The following ZFP64 variants were observed in gnomAD, a reference collection of about 807,000 sequenced individuals.
ZFP64 encodes zinc finger protein 64.
ZFP64 carries 14 observed loss-of-function variants against 51.6 expected under a neutral mutation model. The observed-to-expected ratio is 0.27, with a 90% confidence interval of 0.18 to 0.42. The LOEUF (loss-of-function observed/expected upper bound fraction) is 0.42. Among genes scored for constraint, ZFP64 ranks in the 10% least tolerant of loss-of-function variants. The pLI is 1.00. For synonymous variants in ZFP64, 375 were observed against 361.4 expected, an observed-to-expected ratio of 1.04 and a Z score of -0.43; for missense variants, 754 against 906.8, an observed-to-expected ratio of 0.83 and a Z score of 2.16.
At chr20:52,180,979 T>C (rs910709927) in intron 2 of ZFP64, among the ~76,000 whole-genome samples, 1 of 152,110 alleles carries the variant, frequency 6.6e-6, no homozygotes, top group Non-Finnish European at 1.5e-5. Context: ...CAGGCTGGAA[T>C]GCAATGGCAC....
At chr20:52,128,163 A>T (rs1485382206) in intron 5 of ZFP64, among the ~76,000 whole-genome samples, 3 of 152,138 alleles carry the variant, frequency 2.0e-5, no homozygotes, top group African/African-American at 7.2e-5. Flanking sequence ...CCTGGACTAG[A>T]TGTGGTGGCT....
chr20:52,134,550 C>A (rs951866966), intron 5 of ZFP64, among the ~76,000 whole-genome samples: 1 of 152,166 alleles, frequency 6.6e-6, no homozygotes, highest in Non-Finnish European at 1.5e-5. Context: ...GCGATGCTTT[C>A]AGGAAGGGTG....
At chr20:52,101,427 T>C (rs1443386607) in intron 5 of ZFP64, among the ~76,000 whole-genome samples, 4 of 152,280 alleles carry the variant, frequency 2.6e-5, no homozygotes, top group East Asian at 3.9e-4. Flanking sequence ...TGGAGTGCAG[T>C]GGCACCAACA....
At chr20:52,104,645 C>G in intron 5 of ZFP64, 1 of 469,836 alleles carries the variant, frequency 2.1e-6, no homozygotes, top group Non-Finnish European at 4.4e-6. Context: ...TGCTCTTCCC[C>G]CGGGTACCTG....
intron 5 of ZFP64, among the ~76,000 whole-genome samples, chr20:52,120,667 C>CTTTTTTTTTTTTTT (rs11469627): frequency 1.7e-5 from 1 of 57,436 alleles, no homozygotes; most frequent in Admixed American, 2.9e-4. Context: ...GATCAGTGAT[C>CTTTTTTTTTTTTTT]TTTTTTTTTT....
Position 52,153,268 on chromosome 20 carries a change from G to A in ZFP64, c.924C>T (p.Ile308=), listed in dbSNP as rs143459892. The A allele has an allele frequency of 6.2e-6, 10 of 1,614,116 alleles. No homozygotes were observed. In the African/African-American group the frequency reaches 8.0e-5, roughly 13 times the overall value. ...ACTTGAAGTTATTCCCGCTGTGCTT[G>A]ATACGGATGTGCGACTTGAGGTTCC... The part of the protein sequence containing the change: ...MKGNLKSHIR[I]KHSGNNFKCP... Residue 308 remains isoleucine (I), a synonymous_variant, in exon 6 of 6, where the codon ATC becomes ATT. Coordinates refer to ENST00000216923, the MANE Select transcript of ZFP64 (RefSeq NM_018197.3). This position sits in a 1 kb window ranked among gnomAD's most constrained non-coding sequence, Gnocchi z 5.1.
At chr20:52,128,254 CAT>C (rs1485019698) in intron 5 of ZFP64, among the ~76,000 whole-genome samples, 1 of 152,144 alleles carries the variant, frequency 6.6e-6, no homozygotes, top group African/African-American at 2.4e-5. Context: ...GCCTGGGCAA[CAT>C]AGCAAGACTC....
chr20:52,123,918 C>T (rs1476619146), intron 5 of ZFP64, among the ~76,000 whole-genome samples: 1 of 151,868 alleles, frequency 6.6e-6, no homozygotes, highest in Non-Finnish European at 1.5e-5. Context: ...CACCCAGGCT[C>T]AAGTGCAGTG....
At chr20:52,103,232 C>T (rs906710782) in intron 5 of ZFP64, among the ~76,000 whole-genome samples, 2 of 152,182 alleles carry the variant, frequency 1.3e-5, no homozygotes, top group African/African-American at 4.8e-5. Context: ...GTTCCTCCAG[C>T]CCCTTCGTCA....
intron 2 of ZFP64, among the ~76,000 whole-genome samples, chr20:52,185,579 CTTTT>C (rs11472663): frequency 7.8e-6 from 1 of 127,858 alleles, no homozygotes; most frequent in Non-Finnish European, 1.6e-5. Context: ...CCACTTTGCA[CTTTT>C]TTTTTTTTTT....
intron 5 of ZFP64, among the ~76,000 whole-genome samples, chr20:52,134,921 G>A (rs1228583372): frequency 6.6e-6 from 1 of 152,114 alleles, no homozygotes; most frequent in Admixed American, 6.5e-5. Flanking sequence ...GGAGGGCAGT[G>A]GCACAATCTC....
chr20:52,191,531 C>G lies in ZFP64; in HGVS notation c.46+60G>C. The G allele has an allele frequency of 6.7e-7, 1 of 1,491,218 alleles. No individual in the cohort carries two copies. Among genetic ancestry groups the G allele is most frequent in the South Asian group, 1.3e-5 (1 of 78,520 alleles). 92.4% of individuals were successfully genotyped at this position (1,491,218 alleles called of 1,614,324 possible). A position where few individuals can be genotyped will look rare whatever the true frequency, so the allele number is the denominator to read the frequency against. On this transcript the variant is annotated intron_variant, in intron 1 of 5. Coordinates refer to ENST00000216923, the MANE Select transcript of ZFP64 (RefSeq NM_018197.3). The surrounding 1 kb of genome is among the most constrained non-coding windows in gnomAD (Gnocchi z 4.3). ...GGCTGCGTCGCAGACGTGCTTGGGC[C>G]CGGGCCCCGGAGCGCGCACTGGGCC... is the stretch of plus-strand genomic sequence containing the variant.
intron 4 of ZFP64, among the ~76,000 whole-genome samples, chr20:52,162,277 G>A (rs1981873627): frequency 6.6e-6 from 1 of 151,588 alleles, no homozygotes; most frequent in African/African-American, 2.4e-5. Context: ...CAGCCTGGGT[G>A]ACAGAGTGAG....
rs2079017471 is a variant in ZFP64 at position 52,098,579 on chromosome 20, G to A, written c.772C>T (p.Leu258Phe). Residue 258 changes from leucine (L) to phenylalanine (F), a missense_variant, in exon 6 of 9, where the codon CTT becomes TTT. Leu to Phe is a conservative substitution (Grantham distance 22, BLOSUM62 0). Coordinates refer to the ZFP64 transcript ENST00000361387. ...TTTGCTTTTGGAACATCATCATCAAGTTCTGAAGCTGAAATTGAGGCATAG... is the reference window on the plus strand; with the variant it reads ...TTTGCTTTTGGAACATCATCATCAAATTCTGAAGCTGAAATTGAGGCATAG... 5 of 1,614,072 alleles carry A rather than the reference G, an allele frequency of 3.1e-6. No homozygotes were observed. Among genetic ancestry groups the A allele is most frequent in the Non-Finnish European group, 4.2e-6 (5 of 1,179,992 alleles).
At chr20:52,090,770 A>G (rs1296499642) in intron 7 of ZFP64, among the ~76,000 whole-genome samples, 2 of 149,708 alleles carry the variant, frequency 1.3e-5, no homozygotes, top group South Asian at 2.1e-4. Context: ...CTGCACTCCA[A>G]CCTGGGTGAC....
intron 7 of ZFP64, among the ~76,000 whole-genome samples, chr20:52,092,554 A>C (rs1411852842): frequency 1.3e-5 from 2 of 152,202 alleles, no homozygotes; most frequent in African/African-American, 2.4e-5. Flanking sequence ...GTCTGGATTA[A>C]AAGATCGAAA....
At position 52,089,380 on chromosome 20, in the gene ZFP64, G is replaced by A. The variant is rs150211123; in HGVS notation, c.977-737C>T. 8.4e-3 allele frequency among the ~76,000 whole-genome samples: 1,284 copies of A among 152,248 alleles called. 19 individuals are homozygous for A. The highest frequency in any genetic ancestry group is 0.03 in the African/African-American group (1,233 of 41,546). On this transcript the variant is annotated intron_variant, in intron 7 of 8. Coordinates refer to the ZFP64 transcript ENST00000361387. ...TAAGTTGACCAGCAAAAAGGGTGTC[G>A]AATGACAGCTATTGGTGGATGTAGG...
chr20:52,189,744 G>A (rs1434635841), intron 1 of ZFP64, among the ~76,000 whole-genome samples: 1 of 152,048 alleles, frequency 6.6e-6, no homozygotes, highest in Non-Finnish European at 1.5e-5. Context: ...AAAGTGCTAG[G>A]ATTACAGGCG....
chr20:52,100,747 G>A (rs751575919), intron 5 of ZFP64, among the ~76,000 whole-genome samples: 19 of 152,216 alleles, frequency 1.2e-4, no homozygotes, highest in Non-Finnish European at 2.1e-4. Flanking sequence ...GCTATGTGCT[G>A]TGCAACTATT....
Sources: gnomAD v4.1 joint callset for allele counts (sites outside exome capture counted in the v4.1 genomes callset) on GRCh38, gnomAD v4.1.1 for gene constraint, Gnocchi (gnomAD v3.1) non-coding constraint, MANE v1.5 for transcripts, NCBI Gene and HGNC (gene_info 2026-07-23, HGNC 2026-07-21) for gene names.